E2F8: variants seen among roughly 807,000 people sequenced by gnomAD.
E2F8 encodes E2F transcription factor 8.
E2F8 carries 35 observed loss-of-function variants against 80.8 expected under a neutral mutation model. That is an observed-to-expected ratio of 0.43 (90% CI 0.33 to 0.57). The LOEUF (loss-of-function observed/expected upper bound fraction) is 0.57, where lower values mean the gene tolerates loss of function less well. E2F8 is among the 20% of genes least tolerant of loss of function. The pLI is 0.04. For synonymous variants in E2F8, 386 were observed against 395.0 expected, an observed-to-expected ratio of 0.98 and a Z score of 0.27; for missense variants, 975 against 1,056.2, an observed-to-expected ratio of 0.92 and a Z score of 1.07.
At chr11:19,227,023 T>C (rs552300416) in intron 10 of E2F8, among the ~76,000 whole-genome samples, 1 of 152,344 alleles carries the variant, frequency 6.6e-6, no homozygotes, top group South Asian at 2.1e-4. Flanking sequence ...AGAAAAAGTT[T>C]ACACGGGTGC....
At chr11:19,235,181 TGA>T (rs1851482139) in intron 4 of E2F8, 123 bp from the exon 5 acceptor site, 1 of 856,616 alleles carries the variant, frequency 1.2e-6, no homozygotes, top group Non-Finnish European at 1.8e-6. Flanking sequence ...TAACTGTAAG[TGA>T]ACATACTCAA....
At chr11:19,234,072 C>G (rs767016717) in intron 6 of E2F8, among the ~76,000 whole-genome samples, 3 of 146,728 alleles carry the variant, frequency 2.0e-5, no homozygotes, top group Admixed American at 7.0e-5. Context: ...TGCTGGAACC[C>G]GGGAGGCAGA....
intron 6 of E2F8, 89 bp downstream of exon 6, chr11:19,234,271 C>T (rs879113501): frequency 1.4e-6 from 2 of 1,434,910 alleles, no homozygotes; most frequent in Non-Finnish European, 1.9e-6. Context: ...GTTTATGCAC[C>T]TATGTTTCCT....
chr11:19,241,211 G>A (rs921199192), upstream of E2F8, among the ~76,000 whole-genome samples: 1 of 152,138 alleles, frequency 6.6e-6, no homozygotes, highest in Non-Finnish European at 1.5e-5. This position sits in a 1 kb window ranked among gnomAD's most constrained non-coding sequence, Gnocchi z 4.5. Context: ...GGGCAAACCC[G>A]CGCCCGGAAC....
At chr11:19,228,093 AAAG>A (rs1199361988) in intron 10 of E2F8, among the ~76,000 whole-genome samples, 1 of 152,158 alleles carries the variant, frequency 6.6e-6, no homozygotes, top group East Asian at 1.9e-4. Flanking sequence ...TCAAAAGAAA[AAAG>A]AAATGGTTAG....
intron 7 of E2F8, 36 bp from the exon 8 acceptor site, chr11:19,230,870 T>C (rs1851361830): frequency 1.9e-6 from 3 of 1,599,972 alleles, no homozygotes; most frequent in Non-Finnish European, 2.6e-6. Flanking sequence ...AAAACCTGGA[T>C]GGCTCAGTTG....
chr11:19,239,743 A>G (rs1050796683), intron 2 of E2F8, among the ~76,000 whole-genome samples: 5 of 150,984 alleles, frequency 3.3e-5, no homozygotes, highest in African/African-American at 1.2e-4. Flanking sequence ...ATGATTTGGT[A>G]GCTGTCTCAG....
chr11:19,230,176 A>G (rs1199133575), intron 9 of E2F8, 65 bp downstream of exon 9: 2 of 1,550,762 alleles, frequency 1.3e-6, no homozygotes, highest in East Asian at 4.5e-5. Context: ...CACATAAAAT[A>G]AGTAATCCTA....
Position 19,227,818 on chromosome 11 carries a change from C to T in E2F8, c.1893+1636G>A, listed in dbSNP as rs547758153. On this transcript the variant is annotated intron_variant, in intron 10 of 12. Transcript: ENST00000250024. ...AATGGTTAAAGTGGGCTGGGCATGA[C>T]GGCAAATGCCTGTGATCTCAGCACT... Among the ~76,000 whole-genome samples the T allele has an allele frequency of 1.2e-4, 19 of 152,324 alleles. No homozygotes were observed. The South Asian group carries it at 3.1e-3, about 25-fold the overall frequency.
intron 12 of E2F8, 37 bp from the exon 13 acceptor site, chr11:19,224,877 C>T (rs894244315): frequency 5.0e-6 from 8 of 1,610,030 alleles, no homozygotes; most frequent in Non-Finnish European, 5.9e-6. Flanking sequence ...AAGAAGTCAA[C>T]CACACACAGG....
At chr11:19,224,965 G>T in intron 12 of E2F8, 125 bp from the exon 13 acceptor site, 1 of 1,260,568 alleles carries the variant, frequency 7.9e-7, no homozygotes, top group Non-Finnish European at 1.1e-6. Context: ...TCTTGAAATT[G>T]GCGAGGGAAG....
At chr11:19,228,624 G>A (rs190097579) in intron 10 of E2F8, among the ~76,000 whole-genome samples, 80 of 152,288 alleles carry the variant, frequency 5.3e-4, no homozygotes, top group Admixed American at 2.0e-3. Context: ...ATTCTTTACC[G>A]ATGCGGAAAA....
intron 10 of E2F8, among the ~76,000 whole-genome samples, chr11:19,227,960 C>G (rs1486333076): frequency 1.3e-5 from 2 of 152,140 alleles, no homozygotes; most frequent in Non-Finnish European, 2.9e-5. Flanking sequence ...GGCAGCACAC[C>G]TGTAGTCTAA....
chr11:19,234,702 A>C, intron 5 of E2F8, 42 bp downstream of exon 5: 1 of 1,575,612 alleles, frequency 6.3e-7, no homozygotes, highest in Non-Finnish European at 8.6e-7. Flanking sequence ...TAGACAGAGG[A>C]CAAATGCCAT....
In E2F8 at chr11:19,225,240, G is replaced by A; in HGVS notation, c.2402C>T (p.Ala801Val). ...TCTCACCTGTTGTGCCCCTGTCACA[G>A]CAACTGATTGTCCATTTGGCTGGCT... is the stretch of plus-strand genomic sequence containing the variant. ...GQSQPNGQSV[A>V]VTGAQQPVPV... Residue 801 changes from alanine (A) to valine (V), a missense_variant, in exon 12 of 13, where the codon GCT becomes GTT. Transcript: ENST00000250024. The A allele has an allele frequency of 6.2e-7, 1 of 1,613,630 alleles. No individual in the cohort carries two copies. Among genetic ancestry groups the A allele is most frequent in the Non-Finnish European group, 8.5e-7 (1 of 1,180,010 alleles).
intron 6 of E2F8, among the ~76,000 whole-genome samples, chr11:19,233,860 C>T (rs1209271146): frequency 1.3e-5 from 2 of 151,444 alleles, no homozygotes; most frequent in Admixed American, 6.6e-5. Context: ...GATACTTGGC[C>T]AGGCGCAGTG....
At chr11:19,241,101 C>T (rs755403931), upstream of E2F8, 1 of 152,338 alleles carries the variant, frequency 6.6e-6, no homozygotes, top group Non-Finnish European at 1.5e-5. The surrounding 1 kb of genome is among the most constrained non-coding windows in gnomAD (Gnocchi z 4.5). Context: ...GCCGACGGCG[C>T]CAGGGGCGGG....
chr11:19,237,894 T>A lies in E2F8; in HGVS notation c.254A>T (p.Asp85Val). The A allele has an allele frequency of 6.2e-7, 1 of 1,614,126 alleles. No homozygotes were observed. Among genetic ancestry groups the A allele is most frequent in the Non-Finnish European group, 8.5e-7 (1 of 1,180,038 alleles). The change falls in exon 3 of 13, where the codon GAC becomes GTC. Residue 85 changes from aspartate to valine, a missense_variant. Asp to Val is a radical substitution (Grantham distance 152). Transcript: ENST00000250024. Reference sequence around the variant, plus strand: ...GGCCTCAGGTAATCCACTTCTGTTGTCAAACAAACCCCTTTTCTGATCTCT... The same window carrying A: ...GGCCTCAGGTAATCCACTTCTGTTGACAAACAAACCCCTTTTCTGATCTCT... Reference protein sequence around the residue: ...RNRDQKRGLFDNRSGLPEAKD... With the variant: ...RNRDQKRGLFVNRSGLPEAKD...
chr11:19,231,913 A>G (rs1406884414), intron 7 of E2F8, among the ~76,000 whole-genome samples: 2 of 152,164 alleles, frequency 1.3e-5, no homozygotes, highest in African/African-American at 4.8e-5. Context: ...GGAAGGGAAA[A>G]TATCTCCCAA....
Sources: allele counts gnomAD v4.1 joint callset (sites outside exome capture counted in the v4.1 genomes callset), GRCh38; gene constraint gnomAD v4.1.1; non-coding constraint Gnocchi (gnomAD v3.1); transcripts MANE v1.5; gene names NCBI Gene and HGNC (gene_info 2026-07-23, HGNC 2026-07-21).